Variants in PDE11A observed in about 807,000 individuals in gnomAD.
PDE11A encodes the protein dual 3',5'-cyclic-AMP and -GMP phosphodiesterase 11A.
PDE11A carries 100 observed loss-of-function variants against 100.5 expected under a neutral mutation model. That is an observed-to-expected ratio of 1.00 (90% CI 0.85 to 1.18). The LOEUF is 1.18. PDE11A is among the 50% of genes most tolerant of loss of function. The pLI, the probability that PDE11A is intolerant of heterozygous loss-of-function variation, is 0.00. For missense variants in PDE11A, 1,141 were observed against 1,152.6 expected (o/e 0.99, Z 0.15); for synonymous variants, 381 against 420.8 (o/e 0.91, Z 1.16).
intron 2 of PDE11A, among the ~76,000 whole-genome samples, chr2:177,919,698 T>A (rs2085012349): frequency 6.6e-6 from 1 of 152,020 alleles, no homozygotes; most frequent in Admixed American, 6.6e-5. Flanking sequence ...AGATATTGAA[T>A]CAATATTAAA....
At chr2:177,854,714 T>G (rs1421523718) in intron 5 of PDE11A, among the ~76,000 whole-genome samples, 1 of 152,112 alleles carries the variant, frequency 6.6e-6, no homozygotes, top group Non-Finnish European at 1.5e-5. Flanking sequence ...TGAAGCTTCC[T>G]GGTAAATGAA....
intron 1 of PDE11A, among the ~76,000 whole-genome samples, chr2:178,028,846 C>A (rs2086510817): frequency 6.6e-6 from 1 of 152,164 alleles, no homozygotes. Flanking sequence ...AATCTCAATT[C>A]ATTTCTGAGG....
intron 1 of PDE11A, among the ~76,000 whole-genome samples, chr2:178,026,036 G>T (rs2105837191): frequency 6.6e-6 from 1 of 152,324 alleles, no homozygotes; most frequent in East Asian, 1.9e-4. Context: ...TGCATGAAAA[G>T]CCAGGTCCAG....
intron 10 of PDE11A, among the ~76,000 whole-genome samples, chr2:177,729,781 T>C (rs62183009): frequency 0.14 from 20,946 of 152,154 alleles, 1,494 homozygotes; most frequent in Non-Finnish European, 0.15. Flanking sequence ...TGAAATGTCA[T>C]ACAAATGTGC....
chr2:177,746,034 T>A (rs1215168312), intron 10 of PDE11A, among the ~76,000 whole-genome samples: 3 of 152,158 alleles, frequency 2.0e-5, no homozygotes, highest in Non-Finnish European at 4.4e-5. Context: ...GAGTCAGACC[T>A]GAGCCTCAAT....
chr2:177,661,306 C>T (rs1353080555), intron 19 of PDE11A, among the ~76,000 whole-genome samples: 5 of 152,228 alleles, frequency 3.3e-5, no homozygotes, highest in Non-Finnish European at 7.3e-5. Flanking sequence ...CTTCGATCCT[C>T]TCAGACTCCT....
intron 19 of PDE11A, among the ~76,000 whole-genome samples, chr2:177,652,996 G>A (rs1012207395): frequency 2.0e-5 from 3 of 152,140 alleles, no homozygotes; most frequent in African/African-American, 7.2e-5. Flanking sequence ...CCTATTCAAG[G>A]CAGAGTACAA....
intron 9 of PDE11A, among the ~76,000 whole-genome samples, chr2:177,794,532 G>A (rs574719066): frequency 6.6e-5 from 10 of 152,290 alleles, no homozygotes; most frequent in African/African-American, 2.4e-4. Flanking sequence ...CAGTATACTT[G>A]CTAAATTAAG....
chr2:177,720,669 T>G (rs944753032), intron 12 of PDE11A, among the ~76,000 whole-genome samples: 2 of 152,176 alleles, frequency 1.3e-5, no homozygotes, highest in African/African-American at 4.8e-5. Context: ...AACAAGCCAA[T>G]TGCAGGTTGT....
At chr2:178,088,021 G>A (rs1397647980) in intron 2 of PDE11A, among the ~76,000 whole-genome samples, 1 of 152,064 alleles carries the variant, frequency 6.6e-6, no homozygotes, top group Non-Finnish European at 1.5e-5. Context: ...AGGAAATACT[G>A]TCCTTTTCTG....
chr2:177,798,266 C>T (rs1175376035), intron 9 of PDE11A, among the ~76,000 whole-genome samples: 1 of 152,194 alleles, frequency 6.6e-6, no homozygotes, highest in African/African-American at 2.4e-5. Flanking sequence ...CTTCCCCTAA[C>T]ATATCTACCT....
intron 2 of PDE11A, among the ~76,000 whole-genome samples, chr2:177,977,270 A>AT (rs1216674382): frequency 2.9e-5 from 4 of 137,790 alleles, no homozygotes; most frequent in Middle Eastern, 3.5e-3. Context: ...ATGTACAAAA[A>AT]TCACAAGCAT....
chr2:177,697,792 C>T (rs1257448006), intron 14 of PDE11A, among the ~76,000 whole-genome samples: 1 of 152,166 alleles, frequency 6.6e-6, no homozygotes, highest in Non-Finnish European at 1.5e-5. Context: ...GAACATTTCT[C>T]CCCCTAAAAT....
At chr2:177,869,014 A>G (rs1409419995) in intron 5 of PDE11A, among the ~76,000 whole-genome samples, 1 of 152,226 alleles carries the variant, frequency 6.6e-6, no homozygotes. Flanking sequence ...CCACTCATTC[A>G]TCAGCTCACC....
At chr2:177,791,159 T>G (rs1259161353) in intron 9 of PDE11A, among the ~76,000 whole-genome samples, 2 of 152,072 alleles carry the variant, frequency 1.3e-5, no homozygotes, top group East Asian at 1.9e-4. Context: ...AATGATAGAC[T>G]GGATTAAGAA....
chr2:177,848,223 T>C (rs1021341810), intron 5 of PDE11A, among the ~76,000 whole-genome samples: 1 of 152,086 alleles, frequency 6.6e-6, no homozygotes, highest in African/African-American at 2.4e-5. Flanking sequence ...ACTATTTTGA[T>C]CCCTACAGTG....
intron 1 of PDE11A, among the ~76,000 whole-genome samples, chr2:178,036,437 T>A (rs1030755114): frequency 6.6e-6 from 1 of 152,118 alleles, no homozygotes; most frequent in East Asian, 1.9e-4. Context: ...ATGAAAATGG[T>A]CATACTGCCC....
intron 10 of PDE11A, among the ~76,000 whole-genome samples, chr2:177,761,707 A>C (rs567029665): frequency 1.3e-5 from 2 of 152,216 alleles, no homozygotes; most frequent in Non-Finnish European, 2.9e-5. Context: ...TTAGCGATTT[A>C]TATATACAGA....
At chr2:177,827,285 A>C (rs1486409205) in intron 6 of PDE11A, among the ~76,000 whole-genome samples, 1 of 152,240 alleles carries the variant, frequency 6.6e-6, no homozygotes, top group Non-Finnish European at 1.5e-5. Context: ...ACACCACCTT[A>C]GTGTTAATTG....
Sources: gnomAD v4.1 joint callset for allele counts (sites outside exome capture counted in the v4.1 genomes callset) on GRCh38, gnomAD v4.1.1 for gene constraint, MANE v1.5 for transcripts, NCBI Gene and HGNC (gene_info 2026-07-23, HGNC 2026-07-21) for gene names.